CHSY3: variants seen among roughly 807,000 people sequenced by gnomAD.
The protein encoded by CHSY3 is chondroitin sulfate synthase 3.
In CHSY3, 35 loss-of-function variants were observed where a neutral mutation model predicts 67.2. The observed-to-expected ratio is 0.52, with a 90% CI of 0.40 to 0.69. The LOEUF is 0.69. Among genes scored for constraint, CHSY3 ranks in the 30% least tolerant of loss-of-function variants. The probability of loss-of-function intolerance (pLI) is 0.00; values close to 1 mark genes in which losing one functional copy is unlikely to be tolerated. For missense variants in CHSY3, 1,069 were observed against 1,138.5 expected (o/e 0.94, Z 0.88); for synonymous variants, 474 against 434.7 (o/e 1.09, Z -1.12).
rs572980824 is a variant in CHSY3, at chr5:130,176,309, C to T, written c.1087-7920C>T. ...AATCAAAACCACAATGAGATATCATCTCACGTCAGTTAGAATGGTGATCAA... is the reference window on the plus strand; with the variant it reads ...AATCAAAACCACAATGAGATATCATTTCACGTCAGTTAGAATGGTGATCAA... On this transcript the variant is annotated intron_variant, in intron 2 of 2. Transcript: ENST00000305031. 5.7e-4 allele frequency among the ~76,000 whole-genome samples: 86 copies of T among 152,198 alleles called. 1 individual carries two copies. Among genetic ancestry groups the T allele is most frequent in the Non-Finnish European group, 8.2e-4 (56 of 68,002 alleles).
intron 2 of CHSY3, among the ~76,000 whole-genome samples, chr5:129,944,269 T>C (rs1047436190): frequency 6.6e-6 from 1 of 152,228 alleles, no homozygotes; most frequent in Non-Finnish European, 1.5e-5. Context: ...CTAGTTGTTC[T>C]AGACTGGTAA....
intron 2 of CHSY3, among the ~76,000 whole-genome samples, chr5:129,977,163 A>G (rs1165612041): frequency 6.6e-6 from 1 of 152,130 alleles, no homozygotes; most frequent in East Asian, 1.9e-4. Flanking sequence ...GATGTGTTCC[A>G]AAGGTCCAAA....
intron 2 of CHSY3, among the ~76,000 whole-genome samples, chr5:130,178,316 C>T (rs1770139938): frequency 7.3e-6 from 1 of 136,168 alleles, no homozygotes; most frequent in East Asian, 2.3e-4. Context: ...AGTGCAGTGG[C>T]AGGATCTCAG....
At chr5:130,164,983 G>C (rs967014008) in intron 2 of CHSY3, among the ~76,000 whole-genome samples, 1 of 152,124 alleles carries the variant, frequency 6.6e-6, no homozygotes, top group African/African-American at 2.4e-5. Flanking sequence ...AAAGGCACTA[G>C]GAGAGAAAGA....
At chr5:130,028,632 T>C (rs541671104) in intron 2 of CHSY3, among the ~76,000 whole-genome samples, 76 of 152,242 alleles carry the variant, frequency 5.0e-4, no homozygotes, top group African/African-American at 1.7e-3. Context: ...TTATCTCACA[T>C]AACTGAAAAG....
At chr5:130,022,862 A>G (rs1764433202) in intron 2 of CHSY3, among the ~76,000 whole-genome samples, 1 of 151,960 alleles carries the variant, frequency 6.6e-6, no homozygotes, top group South Asian at 2.1e-4. Flanking sequence ...TTGTGTGTTC[A>G]GTTTTCTAAA....
intron 2 of CHSY3, among the ~76,000 whole-genome samples, chr5:129,996,240 A>C (rs897970681): frequency 6.6e-6 from 1 of 152,250 alleles, no homozygotes; most frequent in African/African-American, 2.4e-5. Flanking sequence ...TCACCTTGGA[A>C]CCTCACTTTT....
intron 2 of CHSY3, among the ~76,000 whole-genome samples, chr5:130,054,948 T>TG (rs1414762272): frequency 2.0e-5 from 3 of 152,020 alleles, no homozygotes; most frequent in African/African-American, 7.2e-5. Flanking sequence ...CAGGGCTAGG[T>TG]GGGGTCTGAG....
At chr5:129,919,822 A>G (rs1760858644) in intron 2 of CHSY3, among the ~76,000 whole-genome samples, 1 of 152,226 alleles carries the variant, frequency 6.6e-6, no homozygotes, top group Admixed American at 6.5e-5. Flanking sequence ...CTTATTATAT[A>G]TTAACAAGTT....
intron 2 of CHSY3, among the ~76,000 whole-genome samples, chr5:129,983,339 G>T (rs2149624273): frequency 6.6e-6 from 1 of 151,998 alleles, no homozygotes; most frequent in South Asian, 2.1e-4. Context: ...AGTGTGATTA[G>T]GTCAACATAA....
intron 2 of CHSY3, among the ~76,000 whole-genome samples, chr5:130,093,732 C>G (rs1006242717): frequency 6.6e-6 from 1 of 152,138 alleles, no homozygotes; most frequent in Admixed American, 6.5e-5. Context: ...GATTATATCT[C>G]AAGAACACAG....
chr5:129,948,828 C>T (rs2149599583), intron 2 of CHSY3, among the ~76,000 whole-genome samples: 1 of 152,216 alleles, frequency 6.6e-6, no homozygotes, highest in South Asian at 2.1e-4. Context: ...CCCTTTGCAC[C>T]ACATTCATGC....
At position 130,078,959 on chromosome 5, in the gene CHSY3, A is replaced by G. The variant is rs114901437; in HGVS notation, c.1087-105270A>G. ...TCTGAGCTCACTTGCTCAATATGCT[A>G]TAGTCGTCAAAGCAAGACATTAAGT... On this transcript the variant is annotated intron_variant, in intron 2 of 2. Coordinates refer to ENST00000305031, the MANE Select transcript of CHSY3 (RefSeq NM_175856.5). 4.9e-3 allele frequency among the ~76,000 whole-genome samples: 752 copies of G among 152,292 alleles called. 12 individuals are homozygous for G. Among genetic ancestry groups the G allele is most frequent in the African/African-American group, 0.017 (712 of 41,580 alleles).
At chr5:130,098,140 C>A (rs1267109788) in intron 2 of CHSY3, among the ~76,000 whole-genome samples, 2 of 152,138 alleles carry the variant, frequency 1.3e-5, no homozygotes, top group Non-Finnish European at 1.5e-5. Context: ...TTGGCACAGT[C>A]AGGATACAAA....
intron 2 of CHSY3, among the ~76,000 whole-genome samples, chr5:129,930,730 T>A (rs1269999681): frequency 6.6e-6 from 1 of 151,218 alleles, no homozygotes; most frequent in African/African-American, 2.4e-5. Context: ...TACCTAAGAG[T>A]CCCAGCTGTT....
chr5:130,023,434 T>A (rs895737186), intron 2 of CHSY3, among the ~76,000 whole-genome samples: 1 of 151,974 alleles, frequency 6.6e-6, no homozygotes, highest in East Asian at 1.9e-4. Context: ...TGCCTCACAG[T>A]TAGTATTGGG....
At chr5:129,942,382 T>A (rs577830716) in intron 2 of CHSY3, among the ~76,000 whole-genome samples, 46 of 152,226 alleles carry the variant, frequency 3.0e-4, no homozygotes, top group Non-Finnish European at 5.1e-4. Flanking sequence ...CTAAAATTTC[T>A]ATTATATATT....
chr5:130,111,152 A>G (rs891582393), intron 2 of CHSY3, among the ~76,000 whole-genome samples: 4 of 152,102 alleles, frequency 2.6e-5, no homozygotes, highest in Non-Finnish European at 5.9e-5. Context: ...GCCCCATGGC[A>G]TGAATCCTTC....
At chr5:130,083,801 GT>G (rs889685293) in intron 2 of CHSY3, among the ~76,000 whole-genome samples, 1 of 150,780 alleles carries the variant, frequency 6.6e-6, no homozygotes, top group African/African-American at 2.4e-5. Context: ...GCTGGTTTTT[GT>G]TTTTTTTCTG....
Sources: gnomAD v4.1 joint callset for allele counts (sites outside exome capture counted in the v4.1 genomes callset) on GRCh38, gnomAD v4.1.1 for gene constraint, MANE v1.5 for transcripts, NCBI Gene and HGNC (gene_info 2026-07-23, HGNC 2026-07-21) for gene names.